ANOS1: variants seen among roughly 807,000 people sequenced by gnomAD.
ANOS1 encodes anosmin 1.
ANOS1 carries 6 observed loss-of-function variants against 59.0 expected under a neutral mutation model. That is an observed-to-expected ratio of 0.10 (90% CI 0.06 to 0.20). ANOS1 has a LOEUF of 0.20. Ranked by LOEUF, ANOS1 falls within the 10% of genes least tolerant of loss-of-function variation. The probability of loss-of-function intolerance (pLI) is 1.00; values close to 1 mark genes in which losing one functional copy is unlikely to be tolerated. For synonymous variants in ANOS1, 217 were observed against 223.4 expected (o/e 0.97, Z 0.25); for missense variants, 433 against 542.3 (o/e 0.80, Z 2.00).
intron 1 of ANOS1, among the ~76,000 whole-genome samples, chrX:8,707,704 C>T (rs1932787419): frequency 9.0e-6 from 1 of 111,183 alleles, no homozygotes; most frequent in Non-Finnish European, 1.9e-5. Flanking sequence ...AGGATATTTG[C>T]AGGTTATATA....
chrX:8,664,385 G>A (rs1228998591), intron 2 of ANOS1, among the ~76,000 whole-genome samples: 2 of 110,306 alleles, frequency 1.8e-5, no homozygotes, highest in Non-Finnish European at 3.8e-5. Context: ...AGTAGAGACG[G>A]GGTTTCACCA....
At chrX:8,715,444 CTTTTTT>C (rs79202549) in intron 1 of ANOS1, among the ~76,000 whole-genome samples, 3 of 95,543 alleles carry the variant, frequency 3.1e-5, no homozygotes, top group Non-Finnish European at 6.3e-5. Flanking sequence ...TTTTCTTTTT[CTTTTTT>C]TTTTTTTTGG....
chrX:8,686,810 C>T (rs1441439568), intron 2 of ANOS1, among the ~76,000 whole-genome samples: 1 of 111,239 alleles, frequency 9.0e-6, no homozygotes, highest in Non-Finnish European at 1.9e-5. Context: ...AAAAATTAGC[C>T]GGGTGTGGTG....
chrX:8,716,044 A>G (rs955482746), intron 1 of ANOS1, among the ~76,000 whole-genome samples: 1 of 111,483 alleles, frequency 9.0e-6, no homozygotes, highest in Non-Finnish European at 1.9e-5. Flanking sequence ...CCACCGTCAA[A>G]ATGGAGGCAA....
At chrX:8,537,786 T>G (rs1433579343) in intron 10 of ANOS1, among the ~76,000 whole-genome samples, 12 of 101,777 alleles carry the variant, frequency 1.2e-4, no homozygotes, top group Admixed American at 5.3e-4. Flanking sequence ...GTGTGTGTGT[T>G]TAATTATTTT....
At chrX:8,541,236 C>G (rs1929679644) in intron 9 of ANOS1, among the ~76,000 whole-genome samples, 1 of 106,387 alleles carries the variant, frequency 9.4e-6, no homozygotes, top group South Asian at 4.4e-4. Context: ...AACCCCCTCT[C>G]TACTAACAAT....
intron 8 of ANOS1, among the ~76,000 whole-genome samples, chrX:8,566,697 A>G (rs1601956412): frequency 9.0e-6 from 1 of 111,177 alleles, no homozygotes; most frequent in African/African-American, 3.3e-5. Context: ...TTGTACCGAG[A>G]CTCACATAAA....
chrX:8,719,449 C>T (rs1034209325), intron 1 of ANOS1, among the ~76,000 whole-genome samples: 33 of 112,102 alleles, frequency 2.9e-4, no homozygotes, highest in African/African-American at 9.4e-4. Context: ...GGCACAATCT[C>T]GGCTTACTGC....
At chrX:8,641,229 C>T (rs908775232) in intron 2 of ANOS1, among the ~76,000 whole-genome samples, 6 of 111,814 alleles carry the variant, frequency 5.4e-5, no homozygotes, top group African/African-American at 1.9e-4. Flanking sequence ...TGCAGACAGA[C>T]ACACACATGC....
chrX:8,581,160 C>T (rs776465141), intron 6 of ANOS1, among the ~76,000 whole-genome samples: 8 of 99,345 alleles, frequency 8.1e-5, no homozygotes, highest in Non-Finnish European at 1.5e-4. Flanking sequence ...CCCAGAATTC[C>T]CACATGTTGT....
chrX:8,644,141 C>T (rs1455936737), intron 2 of ANOS1, among the ~76,000 whole-genome samples: 2 of 111,758 alleles, frequency 1.8e-5, no homozygotes, highest in Admixed American at 1.9e-4. Flanking sequence ...TGACTCTTTT[C>T]GTCGACATAC....
At chrX:8,594,766 A>T (rs5978907) in intron 4 of ANOS1, among the ~76,000 whole-genome samples, 6,853 of 67,911 alleles carry the variant, frequency 0.1, 574 homozygotes, top group African/African-American at 0.28. Context: ...ATATATATAT[A>T]TTTTTTTTTT....
intron 2 of ANOS1, among the ~76,000 whole-genome samples, chrX:8,633,860 A>G (rs1283879206): frequency 8.9e-6 from 1 of 112,173 alleles, no homozygotes; most frequent in African/African-American, 3.2e-5. Context: ...AAAGACAAAG[A>G]AAGACTGAGG....
At chrX:8,679,936 G>C (rs957180083) in intron 2 of ANOS1, among the ~76,000 whole-genome samples, 7 of 110,102 alleles carry the variant, frequency 6.4e-5, no homozygotes, top group African/African-American at 2.3e-4. Flanking sequence ...CCAGGTGAGT[G>C]GATCACTTGA....
chrX:8,714,730 G>GA lies in ANOS1; in HGVS notation c.208-14986dup, dbSNP rs746139342. ...TGTAGTAGGGAACACCCAAGAAGGG[G>GA]AAAAAAAATGACTAAAAATACATGT... On this transcript the variant is annotated intron_variant, in intron 1 of 13. Transcript: ENST00000262648. Among the ~76,000 whole-genome samples the GA allele has an allele frequency of 3.1e-3, 341 of 110,649 alleles. 3 individuals carry two copies. Among genetic ancestry groups the GA allele is most frequent in the Non-Finnish European group, 3.9e-3 (207 of 52,780 alleles).
intron 3 of ANOS1, among the ~76,000 whole-genome samples, chrX:8,612,733 C>T (rs1156414970): frequency 1.8e-5 from 2 of 110,307 alleles, no homozygotes; most frequent in South Asian, 3.8e-4. Context: ...ATGACCTATG[C>T]TATTTTTATC....
intron 2 of ANOS1, among the ~76,000 whole-genome samples, chrX:8,655,332 G>A (rs905976623): frequency 1.2e-4 from 13 of 111,174 alleles, no homozygotes; most frequent in African/African-American, 4.3e-4. Context: ...AACAGGGTTT[G>A]TTTGCACTCC....
intron 1 of ANOS1, among the ~76,000 whole-genome samples, chrX:8,702,352 A>T (rs1474934593): frequency 8.9e-6 from 1 of 112,191 alleles, no homozygotes; most frequent in Non-Finnish European, 1.9e-5. Flanking sequence ...CCTTTTATAA[A>T]ACTGAAATTT....
At chrX:8,703,461 T>C (rs751897982) in intron 1 of ANOS1, among the ~76,000 whole-genome samples, 4 of 112,202 alleles carry the variant, frequency 3.6e-5, no homozygotes, top group Non-Finnish European at 7.5e-5. Context: ...ACTCACCCCA[T>C]GTAATCATCC....
Sources: allele counts gnomAD v4.1 joint callset (sites outside exome capture counted in the v4.1 genomes callset), GRCh38; gene constraint gnomAD v4.1.1; transcripts MANE v1.5; gene names NCBI Gene and HGNC (gene_info 2026-07-23, HGNC 2026-07-21).